SLC43A2: variants seen among roughly 807,000 people sequenced by gnomAD.
SLC43A2 encodes the protein large neutral amino acids transporter small subunit 4.
A neutral mutation model predicts 63.2 loss-of-function variants in SLC43A2; 38 were observed. The observed-to-expected ratio is 0.60, with a 90% CI of 0.46 to 0.79. The LOEUF is 0.79. Among genes scored for constraint, SLC43A2 ranks in the 30% least tolerant of loss-of-function variants. The pLI, the probability that SLC43A2 is intolerant of heterozygous loss-of-function variation, is 0.00. For missense variants in SLC43A2, 644 were observed against 756.2 expected, an observed-to-expected ratio of 0.85 and a Z score of 1.74; for synonymous variants, 322 against 331.0, an observed-to-expected ratio of 0.97 and a Z score of 0.30.
chr17:1,628,582 G>T (rs891300465), intron 1 of SLC43A2, among the ~76,000 whole-genome samples: 9 of 152,166 alleles, frequency 5.9e-5, no homozygotes, highest in Admixed American at 1.3e-4. Flanking sequence ...CCCCCATCTC[G>T]GGCGTTCCCC....
At chr17:1,581,875 G>A (rs920485086) in intron 11 of SLC43A2, among the ~76,000 whole-genome samples, 25 of 140,674 alleles carry the variant, frequency 1.8e-4, no homozygotes, top group East Asian at 4.3e-4. Context: ...GCGCAATCTC[G>A]GCTCACTGCA....
chr17:1,624,008 T>C (rs571219514), intron 2 of SLC43A2, among the ~76,000 whole-genome samples: 32 of 152,344 alleles, frequency 2.1e-4, no homozygotes, highest in African/African-American at 7.2e-4. Flanking sequence ...CCCTGCTTTC[T>C]TGGGGGCCCG....
rs183971070 is a variant in SLC43A2 at position 1,619,326 on chromosome 17, A to G, written c.161-2557T>C. Among the ~76,000 whole-genome samples, 833 of 152,278 alleles carry G rather than the reference A, an allele frequency of 5.5e-3. 7 individuals are homozygous for G. The highest frequency in any genetic ancestry group is 0.019 in the African/African-American group (795 of 41,558). On this transcript the variant is annotated intron_variant, in intron 2 of 13. Transcript: ENST00000301335. The stretch of plus-strand genomic sequence containing the variant: ...CGAAAAACAAAACAGAACAAAACAA[A>G]ACAAAAACAATGGCACCAGATCACA...
chr17:1,585,817 C>T, intron 10 of SLC43A2, 96 bp downstream of exon 10: 1 of 1,605,240 alleles, frequency 6.2e-7, no homozygotes, highest in Non-Finnish European at 8.5e-7. Flanking sequence ...TTGCTCTCTC[C>T]CTCTGTCCCA....
At chr17:1,594,395 C>T (rs913887018) in intron 5 of SLC43A2, among the ~76,000 whole-genome samples, 1 of 152,152 alleles carries the variant, frequency 6.6e-6, no homozygotes, top group African/African-American at 2.4e-5. Flanking sequence ...GGTTCTCTAA[C>T]CTCAAGAGAC....
intron 2 of SLC43A2, among the ~76,000 whole-genome samples, chr17:1,617,531 C>T (rs1341356999): frequency 6.6e-6 from 1 of 152,160 alleles, no homozygotes; most frequent in Non-Finnish European, 1.5e-5. Flanking sequence ...GCTGGGATTA[C>T]AGGCACCTGC....
chr17:1,598,468 A>G (rs1030769849), intron 5 of SLC43A2, among the ~76,000 whole-genome samples: 45 of 151,368 alleles, frequency 3.0e-4, no homozygotes, highest in African/African-American at 9.7e-4. Flanking sequence ...ACCCAACCAG[A>G]AGGGCAAATG....
intron 5 of SLC43A2, among the ~76,000 whole-genome samples, chr17:1,611,205 G>A (rs1050234661): frequency 3.9e-5 from 6 of 152,128 alleles, no homozygotes; most frequent in Non-Finnish European, 8.8e-5. Flanking sequence ...TCGGCATTTC[G>A]GGGTGTGAGG....
intron 6 of SLC43A2, among the ~76,000 whole-genome samples, chr17:1,592,823 A>G (rs1487498606): frequency 1.3e-5 from 2 of 152,150 alleles, no homozygotes; most frequent in East Asian, 3.9e-4. Context: ...GGCGGGGAGT[A>G]ACGGTACAAT....
chr17:1,585,064 TG>T (rs2076081252), intron 10 of SLC43A2, among the ~76,000 whole-genome samples: 1 of 152,176 alleles, frequency 6.6e-6, no homozygotes, highest in Non-Finnish European at 1.5e-5. Flanking sequence ...AGTCACCATC[TG>T]AGCCGGGCGC....
intron 5 of SLC43A2, among the ~76,000 whole-genome samples, chr17:1,599,735 C>T (rs1905722798): frequency 6.6e-6 from 1 of 150,654 alleles, no homozygotes; most frequent in African/African-American, 2.4e-5. Flanking sequence ...TGACTTTCAA[C>T]ATTTTTCTAC....
At chr17:1,618,087 T>G (rs1318487190) in intron 2 of SLC43A2, among the ~76,000 whole-genome samples, 10 of 152,190 alleles carry the variant, frequency 6.6e-5, no homozygotes, top group Non-Finnish European at 5.9e-5. Flanking sequence ...GCGCCGAGGT[T>G]TGCAAAAGCT....
rs1303092670 is a variant in SLC43A2, at chr17:1,578,487, G to A, written c.1351-164C>T. ...TTGTGAATTTTCAGAAATTTTGCAA[G>A]CCAGTCGTTAACACAGTCATTTTTT... is the stretch of plus-strand genomic sequence containing the variant. On this transcript the variant is annotated intron_variant, in intron 11 of 13. Transcript: ENST00000301335. The surrounding 1 kb of genome is among the most constrained non-coding windows in gnomAD (Gnocchi z 6.5). 6.8e-6 allele frequency: 4 copies of A among 585,912 alleles called. No individual in the cohort carries two copies. Among genetic ancestry groups the A allele is most frequent in the African/African-American group, 1.9e-5 (1 of 53,462 alleles). 36.3% of individuals were successfully genotyped at this position (585,912 alleles called of 1,614,324 possible).
intron 9 of SLC43A2, chr17:1,586,934 C>CCCCCCCCCCCCT: frequency 6.6e-7 from 1 of 1,503,928 alleles, no homozygotes; most frequent in Admixed American, 2.0e-5. Flanking sequence ...ACAATCCCCC[C>CCCCCCCCCCCCT]CACCCCCCGC....
At chr17:1,628,852 A>C (rs1301822776), upstream of SLC43A2, 1 of 151,826 alleles carries the variant, frequency 6.6e-6, no homozygotes, top group African/African-American at 2.4e-5. Flanking sequence ...CTTTTATTCC[A>C]GCCCTTTTAT....
At chr17:1,579,922 C>T (rs575443535) in intron 11 of SLC43A2, among the ~76,000 whole-genome samples, 4 of 151,902 alleles carry the variant, frequency 2.6e-5, no homozygotes, top group African/African-American at 9.7e-5. Context: ...AGCCTGTGCA[C>T]GCATCAGGCT....
chr17:1,601,388 G>A (rs756913529), intron 5 of SLC43A2, among the ~76,000 whole-genome samples: 12 of 151,966 alleles, frequency 7.9e-5, no homozygotes, highest in Non-Finnish European at 1.3e-4. Flanking sequence ...TGGCTAATAA[G>A]CACTCAGGCC....
At position 1,570,527 on chromosome 17, in the gene SLC43A2, C is replaced by A. The variant is rs558083810; in HGVS notation, c.*5077G>T. The A allele has an allele frequency of 6.7e-6, 1 of 149,104 alleles. No individual in the cohort carries two copies. The highest frequency in any genetic ancestry group is 2.5e-5 in the African/African-American group (1 of 40,188). 9.2% of individuals were successfully genotyped at this position (149,104 alleles called of 1,614,324 possible). The stretch of plus-strand genomic sequence containing the variant: ...TTTGAGACGGAGTCTCGCTCTGTCG[C>A]CCAGGCTGGAGTGCAGTGGCGGGAT... On this transcript the variant is annotated 3_prime_UTR_variant, in exon 14 of 14. Transcript: ENST00000301335.
rs185980457 is a variant in SLC43A2, at chr17:1,616,875, G to T, written c.161-106C>A. On this transcript the variant is annotated intron_variant, in intron 2 of 13. Coordinates refer to ENST00000301335, the MANE Select transcript of SLC43A2 (RefSeq NM_152346.3). ...GAGTCCCCCCACTGGGAATGCCAGGGCTGGCTGGCGGCCTCTCGAGGGCTC... is the reference window on the plus strand; with the variant it reads ...GAGTCCCCCCACTGGGAATGCCAGGTCTGGCTGGCGGCCTCTCGAGGGCTC... 2.3e-5 allele frequency: 31 copies of T among 1,323,634 alleles called. 1 individual carries two copies. The highest frequency in any genetic ancestry group is 1.2e-4 in the Admixed American group (6 of 48,200). 82.0% of individuals were successfully genotyped at this position (1,323,634 alleles called of 1,614,324 possible).
Sources: gnomAD v4.1 joint callset for allele counts (sites outside exome capture counted in the v4.1 genomes callset) on GRCh38, gnomAD v4.1.1 for gene constraint, Gnocchi (gnomAD v3.1) non-coding constraint, MANE v1.5 for transcripts, NCBI Gene and HGNC (gene_info 2026-07-23, HGNC 2026-07-21) for gene names.